The following IGSF11 variants were observed in gnomAD, a reference collection of about 807,000 sequenced individuals.
IGSF11 encodes the protein CXADR like 1.
Under a neutral mutation model 41.0 loss-of-function variants are expected in IGSF11, and 22 were observed. The ratio of observed to expected loss-of-function variants is 0.54; its 90% CI spans 0.38 to 0.77. The LOEUF is 0.77. Among genes scored for constraint, IGSF11 ranks in the 30% least tolerant of loss-of-function variants. The pLI is 0.00. For missense variants in IGSF11, 444 were observed against 530.8 expected, an observed-to-expected ratio of 0.84 and a Z score of 1.61; for synonymous variants, 219 against 201.3, an observed-to-expected ratio of 1.09 and a Z score of -0.74.
intron 1 of IGSF11, among the ~76,000 whole-genome samples, chr3:118,967,378 T>C (rs950900572): frequency 6.6e-5 from 10 of 152,228 alleles, no homozygotes; most frequent in Non-Finnish European, 1.0e-4. Flanking sequence ...GATATAACTT[T>C]ACAAGATTAT....
intron 1 of IGSF11, among the ~76,000 whole-genome samples, chr3:119,028,320 A>G (rs950045550): frequency 6.6e-6 from 1 of 152,190 alleles, no homozygotes; most frequent in Non-Finnish European, 1.5e-5. Context: ...AACTCCCCCA[A>G]CATAAGGATG....
intron 1 of IGSF11, among the ~76,000 whole-genome samples, chr3:119,092,002 G>GGT (rs1553728453): frequency 3.4e-5 from 5 of 146,750 alleles, no homozygotes; most frequent in Middle Eastern, 3.2e-3. Context: ...TTGGGGGGGG[G>GGT]GGGTTGGTGG....
At chr3:118,996,239 T>G (rs1305552420) in intron 1 of IGSF11, among the ~76,000 whole-genome samples, 2 of 152,206 alleles carry the variant, frequency 1.3e-5, no homozygotes, top group Non-Finnish European at 1.5e-5. Flanking sequence ...GTGTTAGCAG[T>G]TTCATATCTC....
rs2077416436 is a variant in IGSF11 at position 119,127,278 on chromosome 3, T to C, written c.-14+18535A>G. ...AATCAACCAAGCGGAAGAAAGGATA[T>C]CAGTGTGAAGACCACCTTACTGAAA... is the stretch of plus-strand genomic sequence containing the variant. On this transcript the variant is annotated intron_variant, in intron 1 of 7. Transcript: ENST00000425327. Among the ~76,000 whole-genome samples, 2 of 150,526 alleles carry C rather than the reference T, an allele frequency of 1.3e-5. 1 individual carries two copies. Among genetic ancestry groups the C allele is most frequent in the Admixed American group, 1.3e-4 (2 of 15,098 alleles).
At chr3:118,945,108 G>T (rs867019429) in intron 1 of IGSF11, 2 of 151,910 alleles carry the variant, frequency 1.3e-5, no homozygotes, top group Middle Eastern at 3.2e-3. Context: ...TCACTTTGAA[G>T]AAAAATACAT....
intron 1 of IGSF11, among the ~76,000 whole-genome samples, chr3:118,962,229 C>G (rs1018842402): frequency 6.6e-6 from 1 of 152,168 alleles, no homozygotes. Context: ...GTAGAGTTCA[C>G]TCTATTGGAA....
chr3:119,131,482 G>C (rs114078456), intron 1 of IGSF11, among the ~76,000 whole-genome samples: 5 of 152,046 alleles, frequency 3.3e-5, no homozygotes. Flanking sequence ...ATGAAATAGC[G>C]AGAAGACAAG....
chr3:119,056,750 A>C (rs890971705), intron 1 of IGSF11, among the ~76,000 whole-genome samples: 4 of 152,226 alleles, frequency 2.6e-5, no homozygotes, highest in Non-Finnish European at 4.4e-5. Flanking sequence ...CGAATCCAGC[A>C]GCACATCAAA....
chr3:118,927,173 C>T (rs977541738), intron 3 of IGSF11, among the ~76,000 whole-genome samples: 2 of 152,032 alleles, frequency 1.3e-5, no homozygotes, highest in African/African-American at 4.8e-5. Context: ...CTAACTACTG[C>T]GGTGGGGCAA....
At chr3:118,904,458 C>T (rs996670051) in intron 6 of IGSF11, among the ~76,000 whole-genome samples, 190 bp downstream of exon 6, 3 of 152,148 alleles carry the variant, frequency 2.0e-5, no homozygotes, top group African/African-American at 2.4e-5. Flanking sequence ...CCTTTCCCTC[C>T]TTCATGATCC....
At chr3:118,955,965 T>C (rs533489454) in intron 1 of IGSF11, among the ~76,000 whole-genome samples, 2 of 152,320 alleles carry the variant, frequency 1.3e-5, no homozygotes, top group South Asian at 4.1e-4. Flanking sequence ...GTTTAGTATA[T>C]GTACCTTCAT....
intron 1 of IGSF11, among the ~76,000 whole-genome samples, chr3:118,995,869 T>C (rs888866659): frequency 6.6e-6 from 1 of 152,082 alleles, no homozygotes; most frequent in Non-Finnish European, 1.5e-5. Context: ...GCCAGGATGG[T>C]CTCGATCTGA....
intron 1 of IGSF11, among the ~76,000 whole-genome samples, chr3:119,117,799 G>A (rs2077278910): frequency 6.6e-6 from 1 of 152,198 alleles, no homozygotes; most frequent in African/African-American, 2.4e-5. Context: ...GATACAATGA[G>A]GGTACAGGAA....
intron 1 of IGSF11, among the ~76,000 whole-genome samples, chr3:119,055,921 A>G (rs1396994802): frequency 6.6e-6 from 1 of 152,204 alleles, no homozygotes; most frequent in East Asian, 1.9e-4. Context: ...CTTTGAAACC[A>G]ATAAGAAAAA....
chr3:118,916,447 G>A (rs1415401894), intron 4 of IGSF11, among the ~76,000 whole-genome samples: 1 of 151,706 alleles, frequency 6.6e-6, no homozygotes, highest in Non-Finnish European at 1.5e-5. Flanking sequence ...AAAAGGCAGG[G>A]GTTGCAATCC....
intron 1 of IGSF11, among the ~76,000 whole-genome samples, chr3:119,064,955 G>A (rs1242245241): frequency 6.6e-6 from 1 of 152,024 alleles, no homozygotes; most frequent in Admixed American, 6.6e-5. Context: ...ATCATGTCAT[G>A]TAAAAATAGG....
intron 1 of IGSF11, among the ~76,000 whole-genome samples, chr3:119,050,441 A>G (rs1458294101): frequency 3.9e-5 from 6 of 152,322 alleles, no homozygotes; most frequent in Non-Finnish European, 7.3e-5. Flanking sequence ...CAAAACCACA[A>G]TGAGATACCA....
chr3:118,925,094 T>C (rs1942172958), intron 4 of IGSF11, among the ~76,000 whole-genome samples: 1 of 151,950 alleles, frequency 6.6e-6, no homozygotes, highest in Non-Finnish European at 1.5e-5. Flanking sequence ...TGAAAAGAAG[T>C]TTTTTTTAAA....
chr3:118,914,073 G>C (rs1362224659), intron 4 of IGSF11, among the ~76,000 whole-genome samples: 1 of 152,016 alleles, frequency 6.6e-6, no homozygotes, highest in Non-Finnish European at 1.5e-5. Context: ...TTTACTTCTA[G>C]ACTACATTAA....
Sources: gnomAD v4.1 joint callset for allele counts (sites outside exome capture counted in the v4.1 genomes callset) on GRCh38, gnomAD v4.1.1 for gene constraint, MANE v1.5 for transcripts, NCBI Gene and HGNC (gene_info 2026-07-23, HGNC 2026-07-21) for gene names.